The following CNTN4 variants were observed in gnomAD, a reference collection of about 807,000 sequenced individuals.
CNTN4 encodes contactin 4, also known as contactin-4.
In CNTN4, 77 loss-of-function variants were observed where a neutral mutation model predicts 122.5. That is an observed-to-expected ratio of 0.63 (90% CI 0.52 to 0.76). The LOEUF is 0.76. CNTN4 is among the 30% of genes least tolerant of loss of function. The probability of loss-of-function intolerance (pLI) is 0.00; values close to 1 mark genes in which losing one functional copy is unlikely to be tolerated. For missense variants in CNTN4, 1,256 were observed against 1,259.1 expected, an observed-to-expected ratio of 1.00 and a Z score of 0.04; for synonymous variants, 512 against 447.0, an observed-to-expected ratio of 1.15 and a Z score of -1.83.
At chr3:2,427,116 T>G (rs1056744583) in intron 3 of CNTN4, among the ~76,000 whole-genome samples, 6 of 152,168 alleles carry the variant, frequency 3.9e-5, no homozygotes, top group Non-Finnish European at 7.3e-5. Context: ...TCTGCTAGCT[T>G]TTGAATGTGT....
rs2036174132 is a variant in CNTN4 at position 2,165,900 on chromosome 3, T to G, written c.-145+65261T>G. Among the ~76,000 whole-genome samples, 2 of 152,184 alleles carry G rather than the reference T, an allele frequency of 1.3e-5. 1 individual carries two copies. Among genetic ancestry groups the G allele is most frequent in the South Asian group, 4.1e-4 (2 of 4,834 alleles). The stretch of plus-strand genomic sequence containing the variant: ...CTGAAAAATGTTCAGCTGTGTGGAA[T>G]ATTATATTACTATTAATATTATATG... On this transcript the variant is annotated intron_variant, in intron 2 of 24. Coordinates refer to ENST00000418658, the MANE Select transcript of CNTN4 (RefSeq NM_175607.3).
rs138614117 is a variant in CNTN4, at chr3:2,195,722, G to A, written c.-145+95083G>A. ...CAAGTGTCACTCTGGGAATCACATGGCTATTCTATTCCTGGAGGTTTGCCA... is the reference window on the plus strand; with the variant it reads ...CAAGTGTCACTCTGGGAATCACATGACTATTCTATTCCTGGAGGTTTGCCA... On this transcript the variant is annotated intron_variant, in intron 2 of 24. Coordinates refer to ENST00000418658, the MANE Select transcript of CNTN4 (RefSeq NM_175607.3). 1.1e-4 allele frequency among the ~76,000 whole-genome samples: 17 copies of A among 152,270 alleles called. 1 individual carries two copies. Among genetic ancestry groups the A allele is most frequent in the African/African-American group, 3.4e-4 (14 of 41,560 alleles).
chr3:2,339,477 TTTAGA>T (rs1184524798), intron 3 of CNTN4, among the ~76,000 whole-genome samples: 2 of 152,200 alleles, frequency 1.3e-5, no homozygotes, highest in Non-Finnish European at 2.9e-5. Context: ...TTTTCTGTAG[TTTAGA>T]TTAATTTGAT....
At chr3:2,291,497 A>T (rs934708806) in intron 2 of CNTN4, among the ~76,000 whole-genome samples, 1 of 152,138 alleles carries the variant, frequency 6.6e-6, no homozygotes, top group Non-Finnish European at 1.5e-5. Flanking sequence ...AAAGAACTCA[A>T]AATAAATTTT....
chr3:2,890,276 C>CT (rs1231673297), intron 10 of CNTN4, among the ~76,000 whole-genome samples: 1 of 152,288 alleles, frequency 6.6e-6, no homozygotes, highest in Non-Finnish European at 1.5e-5. Flanking sequence ...TTTCCTCTCA[C>CT]TTTTTTCTGG....
chr3:2,880,424 T>A (rs1046037213), intron 8 of CNTN4, among the ~76,000 whole-genome samples: 13 of 152,202 alleles, frequency 8.5e-5, no homozygotes, highest in East Asian at 1.9e-4. Flanking sequence ...CACTAAAAGG[T>A]GTTAACTTGC....
intron 3 of CNTN4, among the ~76,000 whole-genome samples, chr3:2,467,043 G>T (rs536617364): frequency 1.4e-5 from 2 of 139,922 alleles, no homozygotes; most frequent in African/African-American, 5.4e-5. Flanking sequence ...TCACACATAT[G>T]GAGTAGATGC....
intron 2 of CNTN4, among the ~76,000 whole-genome samples, chr3:2,288,964 G>A (rs186394194): frequency 3.3e-5 from 5 of 152,164 alleles, no homozygotes; most frequent in Non-Finnish European, 5.9e-5. Flanking sequence ...GATAGGTAGC[G>A]AAATTCAAGG....
chr3:2,359,741 G>T (rs542399099), intron 3 of CNTN4, among the ~76,000 whole-genome samples: 1 of 151,982 alleles, frequency 6.6e-6, no homozygotes, highest in Non-Finnish European at 1.5e-5. Context: ...GGGTTTCATC[G>T]TCTTAGCCAG....
rs553406751 is a variant in CNTN4 at position 2,971,519 on chromosome 3, A to C, written c.1359-16826A>C. 3.5e-4 allele frequency among the ~76,000 whole-genome samples: 54 copies of C among 152,326 alleles called. No individual in the cohort carries two copies. In the South Asian group the frequency reaches 0.011, roughly 30 times the overall value. On this transcript the variant is annotated intron_variant, in intron 13 of 24. Transcript: ENST00000418658. ...ACAAAACATTTTTTTCAAACTATGC[A>C]AATCTTTACATCTAACAGAAAAACA... is the stretch of plus-strand genomic sequence containing the variant.
At chr3:2,116,666 A>T (rs1193738087) in intron 2 of CNTN4, among the ~76,000 whole-genome samples, 1 of 152,166 alleles carries the variant, frequency 6.6e-6, no homozygotes, top group Non-Finnish European at 1.5e-5. Flanking sequence ...AGGATTTTAA[A>T]CAGGTTTTCT....
At chr3:2,479,929 G>C (rs1283706078) in intron 3 of CNTN4, among the ~76,000 whole-genome samples, 1 of 152,072 alleles carries the variant, frequency 6.6e-6, no homozygotes, top group East Asian at 1.9e-4. Flanking sequence ...CCACCACCAA[G>C]TGGGATTCAC....
intron 4 of CNTN4, among the ~76,000 whole-genome samples, chr3:2,591,183 A>G (rs942977063): frequency 1.3e-5 from 2 of 152,172 alleles, no homozygotes; most frequent in African/African-American, 2.4e-5. Context: ...GTGTCTGTAG[A>G]GTTCATTGCT....
chr3:2,380,024 T>C (rs927004027), intron 3 of CNTN4, among the ~76,000 whole-genome samples: 1 of 140,958 alleles, frequency 7.1e-6, no homozygotes, highest in Non-Finnish European at 1.5e-5. Flanking sequence ...ACCATTGCAT[T>C]CCAGCTTGGT....
intron 4 of CNTN4, among the ~76,000 whole-genome samples, chr3:2,660,690 C>A (rs2083843030): frequency 6.6e-6 from 1 of 152,228 alleles, no homozygotes; most frequent in Non-Finnish European, 1.5e-5. Context: ...CTATTTGTCT[C>A]CACCAGAGGT....
At chr3:2,767,728 C>A (rs1269265574) in intron 6 of CNTN4, among the ~76,000 whole-genome samples, 1 of 152,146 alleles carries the variant, frequency 6.6e-6, no homozygotes, top group African/African-American at 2.4e-5. Flanking sequence ...TCTCTATGAT[C>A]ACGTCTTACG....
At chr3:2,979,151 G>A (rs1033106821) in intron 13 of CNTN4, among the ~76,000 whole-genome samples, 1 of 152,174 alleles carries the variant, frequency 6.6e-6, no homozygotes, top group Non-Finnish European at 1.5e-5. Flanking sequence ...AACTTACCAG[G>A]TGGGAAGGAG....
intron 12 of CNTN4, among the ~76,000 whole-genome samples, chr3:2,914,665 C>A (rs1157522492): frequency 1.3e-5 from 2 of 152,196 alleles, no homozygotes; most frequent in Non-Finnish European, 2.9e-5. Flanking sequence ...TAAAGAAAAT[C>A]CCTGGACCAA....
At position 2,291,101 on chromosome 3, in the gene CNTN4, A is replaced by C. The variant is rs138353656; in HGVS notation, c.-144-48077A>C. Among the ~76,000 whole-genome samples the C allele has an allele frequency of 6.7e-4, 102 of 152,272 alleles. 1 individual carries two copies. In the East Asian group the frequency reaches 0.019, roughly 29 times the overall value. On this transcript the variant is annotated intron_variant, in intron 2 of 24. Transcript: ENST00000418658. ...CTGCATCTGTCCATGGCCACTGAGA[A>C]TCTAGACCCCATCACTGCAGATGTG...
Sources: allele counts gnomAD v4.1 joint callset (sites outside exome capture counted in the v4.1 genomes callset), GRCh38; gene constraint gnomAD v4.1.1; transcripts MANE v1.5; gene names NCBI Gene and HGNC (gene_info 2026-07-23, HGNC 2026-07-21).